The following REPS2 variants were observed in gnomAD, a reference collection of about 807,000 sequenced individuals.
REPS2 encodes the protein ralBP1-associated Eps domain-containing protein 2.
In REPS2, 23 loss-of-function variants were observed where a neutral mutation model predicts 53.6. The observed-to-expected ratio is 0.43, with a 90% CI of 0.31 to 0.61. The LOEUF is 0.61. Ranked by LOEUF, REPS2 falls within the 20% of genes least tolerant of loss-of-function variation. The probability of loss-of-function intolerance (pLI) is 0.11; values close to 1 mark genes in which losing one functional copy is unlikely to be tolerated. For missense variants in REPS2, 446 were observed against 534.9 expected, an observed-to-expected ratio of 0.83 and a Z score of 1.64; for synonymous variants, 238 against 218.6, an observed-to-expected ratio of 1.09 and a Z score of -0.78.
At chrX:17,070,347 A>T (rs1368706226) in intron 11 of REPS2, among the ~76,000 whole-genome samples, 1 of 112,436 alleles carries the variant, frequency 8.9e-6, no homozygotes, top group Non-Finnish European at 1.9e-5. Flanking sequence ...CTTATAGGGT[A>T]GATCAATTGG....
chrX:17,122,968 G>A (rs753415286), intron 14 of REPS2, among the ~76,000 whole-genome samples: 1 of 112,165 alleles, frequency 8.9e-6, no homozygotes, highest in Non-Finnish European at 1.9e-5. Context: ...ATAAAATATC[G>A]GTTCATAGGC....
At chrX:17,013,821 C>T (rs2066412363) in intron 2 of REPS2, among the ~76,000 whole-genome samples, 1 of 111,230 alleles carries the variant, frequency 9.0e-6, no homozygotes, top group African/African-American at 3.3e-5. Context: ...CCCCCTCTCC[C>T]AGCCCTGCTA....
intron 1 of REPS2, among the ~76,000 whole-genome samples, chrX:16,963,918 C>CT (rs1736186049): frequency 9.0e-6 from 1 of 111,204 alleles, no homozygotes; most frequent in Admixed American, 9.5e-5. Context: ...TTCCATGTTG[C>CT]TTTTAGTATT....
At chrX:16,993,188 C>T (rs1362117088) in intron 1 of REPS2, among the ~76,000 whole-genome samples, 7 of 111,884 alleles carry the variant, frequency 6.3e-5, no homozygotes, top group African/African-American at 1.6e-4. Context: ...TGATGGTTCA[C>T]GGAAATAGTG....
Position 17,148,799 on chromosome X carries a change from A to G in REPS2, c.*1318A>G. On this transcript the variant is annotated 3_prime_UTR_variant, in exon 18 of 18. Coordinates refer to ENST00000357277, the MANE Select transcript of REPS2 (RefSeq NM_004726.3). ...GCGTTAACACCACTTTGAGAGACCA[A>G]TGGCAAGAAATGCTGTCTCTTGTGC... is the stretch of plus-strand genomic sequence containing the variant. 3.5e-6 allele frequency: 1 copy of G among 284,493 alleles called. No individual in the cohort carries two copies. The highest frequency in any genetic ancestry group is 6.8e-6 in the Non-Finnish European group (1 of 147,927). 23.4% of individuals were successfully genotyped at this position (284,493 alleles called of 1,213,427 possible).
At position 17,135,446 on chromosome X, in the gene REPS2, G is replaced by T. The variant is rs756103748; in HGVS notation, c.1808+40G>T. 7 of 1,166,215 alleles carry T rather than the reference G, an allele frequency of 6.0e-6. No individual in the cohort carries two copies. In the East Asian group the frequency reaches 1.5e-4, roughly 25 times the overall value. On this transcript the variant is annotated intron_variant, in intron 16 of 17. Coordinates refer to ENST00000357277, the MANE Select transcript of REPS2 (RefSeq NM_004726.3). ...TAAACAAGAGTGAGGTAGGAATCTC[G>T]CTCTGAGATGTCGACGGATATGTAA...
At chrX:17,043,437 G>A (rs890770299) in intron 5 of REPS2, among the ~76,000 whole-genome samples, 2 of 110,783 alleles carry the variant, frequency 1.8e-5, no homozygotes, top group Middle Eastern at 4.6e-3. Flanking sequence ...CTGTTAACAG[G>A]CCTTGCCCTG....
intron 13 of REPS2, among the ~76,000 whole-genome samples, chrX:17,083,175 C>T (rs994483327): frequency 9.4e-6 from 1 of 106,744 alleles, no homozygotes; most frequent in Non-Finnish European, 1.9e-5. Context: ...CTCCGTCTCC[C>T]GGGTTCATGC....
chrX:17,186,792 C>A, the REPS2 span, among the ~76,000 whole-genome samples: 17 of 111,038 alleles, frequency 1.5e-4, 1 homozygote, highest in East Asian at 4.6e-3. Flanking sequence ...CTGATGGTGA[C>A]CCTCCTGTAC....
At chrX:17,082,373 C>CA (rs1448591348) in intron 13 of REPS2, among the ~76,000 whole-genome samples, 1 of 112,570 alleles carries the variant, frequency 8.9e-6, no homozygotes, top group Non-Finnish European at 1.9e-5. Flanking sequence ...GCAGGGCAGC[C>CA]ATTTCCCAGA....
the REPS2 span, among the ~76,000 whole-genome samples, chrX:17,184,370 A>G: frequency 1.0e-4 from 11 of 106,028 alleles, no homozygotes; most frequent in African/African-American, 2.1e-4. Flanking sequence ...ATCATTTTTT[A>G]TGGCTGCATA....
chrX:17,120,265 T>G (rs769471661), intron 14 of REPS2, among the ~76,000 whole-genome samples: 16 of 111,571 alleles, frequency 1.4e-4, no homozygotes, highest in Non-Finnish European at 2.4e-4. Context: ...ACTGTGCTAA[T>G]GGGAAAGGAC....
At chrX:17,100,166 G>A in intron 13 of REPS2, 2 of 633,453 alleles carry the variant, frequency 3.2e-6, no homozygotes, top group Non-Finnish European at 5.3e-6. Context: ...TGACTCCCAT[G>A]TGTTGTCCTC....
Position 17,022,249 on chromosome X carries a change from G to C in REPS2, c.524G>C (p.Arg175Thr). The part of the protein sequence containing the change: ...YLTTEKNSFK[R>T]MDDEDKQQET... Reference sequence around the variant, plus strand: ...ACTACAGAAAAAAATTCCTTCAAAAGAATGGACGATGAGGATAAACAGGTA... The same window carrying C: ...ACTACAGAAAAAAATTCCTTCAAAACAATGGACGATGAGGATAAACAGGTA... Residue 175 changes from arginine to threonine, a missense_variant, in exon 3 of 18, where the codon AGA becomes ACA. Coordinates refer to ENST00000357277, the MANE Select transcript of REPS2 (RefSeq NM_004726.3). The C allele has an allele frequency of 8.3e-7, 1 of 1,210,100 alleles. No homozygotes were observed. Among genetic ancestry groups the C allele is most frequent in the Non-Finnish European group, 1.1e-6 (1 of 894,316 alleles).
the REPS2 span, among the ~76,000 whole-genome samples, chrX:17,195,350 A>C: frequency 8.9e-6 from 1 of 112,328 alleles, no homozygotes; most frequent in Non-Finnish European, 1.9e-5. Flanking sequence ...GACAGTGTGC[A>C]TTATATATTC....
intron 6 of REPS2, among the ~76,000 whole-genome samples, chrX:17,050,210 TG>T (rs748165081): frequency 6.0e-5 from 2 of 33,157 alleles, no homozygotes; most frequent in African/African-American, 1.1e-4. Flanking sequence ...TTTTTTTTTT[TG>T]ACAGGGTCTT....
chrX:17,088,800 G>A (rs2062577024), intron 13 of REPS2, among the ~76,000 whole-genome samples: 1 of 109,902 alleles, frequency 9.1e-6, no homozygotes, highest in South Asian at 3.9e-4. Context: ...AGCTAGGATG[G>A]TCTCAATCTC....
chrX:16,999,884 A>G (rs1286367064), intron 1 of REPS2, among the ~76,000 whole-genome samples: 1 of 104,483 alleles, frequency 9.6e-6, no homozygotes, highest in Non-Finnish European at 2.0e-5. Context: ...GTCTCTACTA[A>G]AAATACAAAA....
At chrX:17,019,785 C>T (rs1366522809) in intron 2 of REPS2, among the ~76,000 whole-genome samples, 2 of 111,811 alleles carry the variant, frequency 1.8e-5, no homozygotes, top group African/African-American at 6.5e-5. Flanking sequence ...TATGTTAGTG[C>T]CACTGCACTT....
Sources: allele counts gnomAD v4.1 joint callset (sites outside exome capture counted in the v4.1 genomes callset), GRCh38; gene constraint gnomAD v4.1.1; transcripts MANE v1.5; gene names NCBI Gene and HGNC (gene_info 2026-07-23, HGNC 2026-07-21).